Variants in SRRT observed in about 807,000 individuals in gnomAD.
SRRT encodes the protein serrate RNA effector molecule homolog.
A neutral mutation model predicts 103.2 loss-of-function variants in SRRT; 32 were observed. The ratio of observed to expected loss-of-function variants is 0.31; its 90% CI spans 0.23 to 0.42. SRRT has a LOEUF of 0.42. Ranked by LOEUF, SRRT falls within the 10% of genes least tolerant of loss-of-function variation. The pLI, the probability that SRRT is intolerant of heterozygous loss-of-function variation, is 1.00. For synonymous variants in SRRT, 525 were observed against 449.0 expected, an observed-to-expected ratio of 1.17 and a Z score of -2.14; for missense variants, 986 against 1,207.5, an observed-to-expected ratio of 0.82 and a Z score of 2.72.
rs766636517 is a variant in SRRT at position 100,885,271 on chromosome 7, C to T, written c.1218C>T (p.Asp406=). The T allele has an allele frequency of 1.3e-5, 21 of 1,614,032 alleles. No homozygotes were observed. The highest frequency in any genetic ancestry group is 8.3e-5 in the Admixed American group (5 of 60,004). ...PKEEEWEKPK[D]AAGLECKPRP... is the part of the protein sequence containing the mutation. ...AAGAAGAATGGGAGAAGCCCAAGGA[C>T]GCCGCGGGGCTGGAGTGCAAGCCGC... The change falls in exon 10 of 20, where the codon GAC becomes GAT. Residue 406 remains aspartate (D), a synonymous_variant. Coordinates refer to ENST00000611405, the MANE Select transcript of SRRT (RefSeq NM_015908.6). This position sits in a 1 kb window ranked among gnomAD's most constrained non-coding sequence, Gnocchi z 4.8.
Position 100,887,023 on chromosome 7 carries a change from A to G in SRRT, c.1822-24A>G, listed in dbSNP as rs1451387765. The G allele has an allele frequency of 6.2e-7, 1 of 1,613,086 alleles. No homozygotes were observed. The highest frequency in any genetic ancestry group is 8.5e-7 in the Non-Finnish European group (1 of 1,179,138). On this transcript the variant is annotated intron_variant, in intron 14 of 19. Transcript: ENST00000611405. This position sits in a 1 kb window ranked among gnomAD's most constrained non-coding sequence, Gnocchi z 4.1. Reference sequence around the variant, plus strand: ...GCTCGGGCGGTGAGGGCAGGAGCTGAACGCTCGCATTCACTTCCCTTAGGT... The same window carrying G: ...GCTCGGGCGGTGAGGGCAGGAGCTGGACGCTCGCATTCACTTCCCTTAGGT...
intron 3 of SRRT, 112 bp downstream of exon 3, chr7:100,881,525 A>G (rs1789557249): frequency 7.0e-6 from 11 of 1,562,048 alleles, no homozygotes; most frequent in Non-Finnish European, 9.5e-6. Context: ...TCAACTTCCC[A>G]TCACCCATCG....
rs1790209086 is a variant in SRRT at position 100,887,140 on chromosome 7, C to T, written c.1915C>T (p.Arg639Cys). The change falls in exon 15 of 20, where the codon CGC (arginine) becomes TGC (cysteine). Residue 639 changes from arginine (R) to cysteine (C), a missense_variant. Physicochemically the swap from Arg to Cys is radical, Grantham distance 180. Around this residue, in one of 6 missense-constraint regions of SRRT, gnomAD observed 349 missense variants for 446.9 expected, o/e 0.78. Transcript: ENST00000611405. This position sits in a 1 kb window ranked among gnomAD's most constrained non-coding sequence, Gnocchi z 4.1. ...CCCCAACGAGGACGAGATGCCCAAT[C>T]GCTGTGGGATCATCCACGTTCGGGG... is the stretch of plus-strand genomic sequence containing the variant. The part of the protein sequence containing the change: ...EYPNEDEMPN[R>C]CGIIHVRGPM... 5 of 1,614,110 alleles carry T rather than the reference C, an allele frequency of 3.1e-6. No individual in the cohort carries two copies. The highest frequency in any genetic ancestry group is 1.1e-5 in the South Asian group (1 of 91,090).
Position 100,882,095 on chromosome 7 carries a change from C to T in SRRT, c.441C>T (p.Pro147=), listed in dbSNP as rs566339699. ...IAEIDLGVPP[P]VMKTFKEFLL... ...AGATTGACCTGGGTGTGCCGCCGCCCGTGATGAAGACCTTCAAGGAGTTTC... is the reference window on the plus strand; with the variant it reads ...AGATTGACCTGGGTGTGCCGCCGCCTGTGATGAAGACCTTCAAGGAGTTTC... Residue 147 remains proline, a synonymous_variant, in exon 5 of 20, where the codon CCC becomes CCT. Coordinates refer to ENST00000611405, the MANE Select transcript of SRRT (RefSeq NM_015908.6). The surrounding 1 kb of genome is among the most constrained non-coding windows in gnomAD (Gnocchi z 4.2). The T allele has an allele frequency of 3.8e-5, 61 of 1,614,010 alleles. No individual in the cohort carries two copies. The highest frequency in any genetic ancestry group is 1.6e-4 in the South Asian group (15 of 91,066).
intron 17 of SRRT, 34 bp from the exon 18 acceptor site, chr7:100,888,008 G>GC: frequency 7.1e-7 from 1 of 1,411,320 alleles, no homozygotes; most frequent in African/African-American, 1.8e-5. Flanking sequence ...CCCCCTCCCC[G>GC]CCCCCGCAGT....
intron 2 of SRRT, among the ~76,000 whole-genome samples, chr7:100,876,186 C>T (rs1462020619): frequency 1.3e-5 from 2 of 152,194 alleles, no homozygotes; most frequent in Non-Finnish European, 2.9e-5. Flanking sequence ...GAGTCTTGCC[C>T]TGTCGCCCAG....
rs1790260812 is a variant in SRRT at position 100,887,573 on chromosome 7, G to GC, written c.2169+65dup. The GC allele has an allele frequency of 5.4e-5, 86 of 1,590,950 alleles. 1 individual carries two copies. In the South Asian group the frequency reaches 9.3e-4, roughly 17 times the overall value. Reference sequence around the variant, plus strand: ...GTGGGAGGTGGGGTTGAGACAGGAAGCCCCCTGGGCAGGGGTGGGGGAACT... The same window carrying GC: ...GTGGGAGGTGGGGTTGAGACAGGAAGCCCCCCTGGGCAGGGGTGGGGGAACT... On this transcript the variant is annotated intron_variant, in intron 16 of 19. Coordinates refer to ENST00000611405, the MANE Select transcript of SRRT (RefSeq NM_015908.6). This position sits in a 1 kb window ranked among gnomAD's most constrained non-coding sequence, Gnocchi z 4.1.
rs1790311167 is a variant in SRRT, at chr7:100,887,964, A to C, written c.2327-78A>C. On this transcript the variant is annotated intron_variant, in intron 17 of 19. Transcript: ENST00000611405. The surrounding 1 kb of genome is among the most constrained non-coding windows in gnomAD (Gnocchi z 4.1). Reference sequence around the variant, plus strand: ...CCCGAGAAGTTTCTGCCCCATCCTCAGGCCATAGCCCTAGAAGTCAATTGT... The same window carrying C: ...CCCGAGAAGTTTCTGCCCCATCCTCCGGCCATAGCCCTAGAAGTCAATTGT... The C allele has an allele frequency of 6.5e-6, 10 of 1,531,042 alleles. No individual in the cohort carries two copies. Among genetic ancestry groups the C allele is most frequent in the Admixed American group, 2.1e-5 (1 of 48,264 alleles). The allele number at this position is 1,531,042 out of a possible 1,614,324, so 94.8% of individuals were successfully genotyped here.
rs1789953089 is a variant in SRRT, at chr7:100,885,037, G to A, written c.1156G>A (p.Ala386Thr). The A allele has an allele frequency of 1.2e-6, 2 of 1,613,876 alleles. No individual in the cohort carries two copies. The highest frequency in any genetic ancestry group is 4.5e-5 in the East Asian group (2 of 44,882). ...CCAGGCTGAGGAGGAGAAGGAGGAGGCCGGTAGGGTTTCTTTTCTGCTTTA... is the reference window on the plus strand; with the variant it reads ...CCAGGCTGAGGAGGAGAAGGAGGAGACCGGTAGGGTTTCTTTTCTGCTTTA... ...SGQAEEEKEE[A>T]EEALKEKEKP... The change falls in exon 9 of 20, where the codon GCC becomes ACC. Residue 386 changes from alanine to threonine, a missense_variant. By Grantham distance (58) the Ala-to-Thr change is moderately conservative. This residue lies in a region of SRRT where 166 missense variants were observed against 148.6 expected (regional missense o/e 1.12). Coordinates refer to ENST00000611405, the MANE Select transcript of SRRT (RefSeq NM_015908.6). This position sits in a 1 kb window ranked among gnomAD's most constrained non-coding sequence, Gnocchi z 4.8.
intron 12 of SRRT, 135 bp from the exon 13 acceptor site, chr7:100,886,112 C>G: frequency 1.6e-6 from 2 of 1,227,888 alleles, no homozygotes; most frequent in South Asian, 2.8e-5. Flanking sequence ...ATGGACGGAA[C>G]CTATGTGGTC....
rs201575972 is a variant in SRRT at position 100,888,050 on chromosome 7, C to T, written c.2335C>T (p.Pro779Ser). Residue 779 changes from proline (P) to serine (S), a missense_variant, in exon 18 of 20, where the codon CCA becomes TCA. Physicochemically the swap from Pro to Ser is moderately conservative, Grantham distance 74. Around this residue, in one of 6 missense-constraint regions of SRRT, gnomAD observed 178 missense variants for 189.6 expected, o/e 0.94. Transcript: ENST00000611405. ...TGTCCCTGTCCGTGTTGTACTCCCC[C>T]CAGGTTTGACCCCAGGACTCCCCTA... The part of the protein sequence containing the change: ...QPPGPAQILP[P>S]GLTPGLPYPH... 6.4e-7 allele frequency: 1 copy of T among 1,557,356 alleles called. No individual in the cohort carries two copies. Among genetic ancestry groups the T allele is most frequent in the East Asian group, 2.2e-5 (1 of 44,590 alleles).
At position 100,884,066 on chromosome 7, in the gene SRRT, C is replaced by T. The variant is rs1486624174; in HGVS notation, c.588-4C>T. The stretch of plus-strand genomic sequence containing the variant: ...TGTCTTTCCCTCCCCCGCTTCGTTC[C>T]CAGGTTTCGGTCTAAGTACCACCCA... On this transcript the variant is annotated splice_polypyrimidine_tract_variant and splice_region_variant and intron_variant, in intron 5 of 19. Transcript: ENST00000611405. 6.4e-7 allele frequency: 1 copy of T among 1,571,556 alleles called. No individual in the cohort carries two copies. The highest frequency in any genetic ancestry group is 8.6e-7 in the Non-Finnish European group (1 of 1,163,748).
In SRRT at chr7:100,886,820, T is replaced by C; in HGVS notation, c.1673T>C (p.Leu558Ser). The C allele has an allele frequency of 6.2e-7, 1 of 1,614,140 alleles. No homozygotes were observed. Among genetic ancestry groups the C allele is most frequent in the Non-Finnish European group, 8.5e-7 (1 of 1,180,016 alleles). ...AGCCTGCCCTCGCAAAACCCGATCT[T>C]GAAGAATATCACCGACTACCTGATC... is the stretch of plus-strand genomic sequence containing the variant. ...PTSLPSQNPI[L>S]KNITDYLIEE... Residue 558 changes from leucine to serine, a missense_variant, in exon 14 of 20, where the codon TTG (leucine) becomes TCG (serine). Transcript: ENST00000611405.
chr7:100,879,963 C>CTCA (rs1359709255), intron 2 of SRRT, among the ~76,000 whole-genome samples: 3 of 152,200 alleles, frequency 2.0e-5, no homozygotes, highest in Admixed American at 6.5e-5. Flanking sequence ...TGCTTACTGA[C>CTCA]ATTGAAGTAA....
Position 100,884,351 on chromosome 7 carries a change from G to T in SRRT, c.758-17G>T. On this transcript the variant is annotated splice_polypyrimidine_tract_variant and intron_variant, in intron 6 of 19. Transcript: ENST00000611405. Reference sequence around the variant, plus strand: ...CCAGGGCCCTGGGGTCATGACCTCTGTTCCCTTTGTTGGTAGCCGTGATTA... The same window carrying T: ...CCAGGGCCCTGGGGTCATGACCTCTTTTCCCTTTGTTGGTAGCCGTGATTA... 1 of 1,613,286 alleles carries T rather than the reference G, an allele frequency of 6.2e-7. No individual in the cohort carries two copies. Among genetic ancestry groups the T allele is most frequent in the East Asian group, 2.2e-5 (1 of 44,820 alleles).
At chr7:100,879,186 C>T (rs754159609) in intron 2 of SRRT, among the ~76,000 whole-genome samples, 14 of 152,126 alleles carry the variant, frequency 9.2e-5, no homozygotes, top group Non-Finnish European at 1.8e-4. Context: ...AAACTTCTGA[C>T]CTCAAGTGAT....
chr7:100,888,299 A>AC lies in SRRT; in HGVS notation c.2476dup (p.His826ProfsTer12), dbSNP rs1563027703. ...GCAGTCCCCACAGGAGGCCCTCCAT[A>AC]CCCCCATGCCCCGTATGGTGCTGGT... On this transcript the variant is annotated frameshift_variant, in exon 19 of 20. Transcript: ENST00000611405. LOFTEE classifies it high-confidence loss of function. The AC allele has an allele frequency of 6.2e-7, 1 of 1,613,340 alleles. No homozygotes were observed. Among genetic ancestry groups the AC allele is most frequent in the Non-Finnish European group, 8.5e-7 (1 of 1,179,588 alleles).
rs1234024949 is a variant in SRRT, at chr7:100,885,732, T to C, written c.1349T>C (p.Val450Ala). 6.2e-7 allele frequency: 1 copy of C among 1,613,770 alleles called. No homozygotes were observed. Among genetic ancestry groups the C allele is most frequent in the Non-Finnish European group, 8.5e-7 (1 of 1,179,842 alleles). The change falls in exon 11 of 20, where the codon GTG (valine) becomes GCG (alanine). Residue 450 changes from valine (V) to alanine (A), a missense_variant. Transcript: ENST00000611405. This position sits in a 1 kb window ranked among gnomAD's most constrained non-coding sequence, Gnocchi z 4.8. The stretch of plus-strand genomic sequence containing the variant: ...AAAAGGTACCCAGGCTTTATGCGGG[T>C]GGCGCTCTCAGAGCCCCAGCCAGAG... ...LCKRYPGFMRVALSEPQPERR... is the reference protein window; with the variant it reads ...LCKRYPGFMRAALSEPQPERR...
chr7:100,888,553 G>A lies in SRRT; in HGVS notation c.*4G>A, dbSNP rs1252265329. 1.4e-5 allele frequency: 23 copies of A among 1,614,014 alleles called. No homozygotes were observed. Among genetic ancestry groups the A allele is most frequent in the Non-Finnish European group, 1.9e-5 (23 of 1,180,002 alleles). On this transcript the variant is annotated 3_prime_UTR_variant, in exon 20 of 20. Transcript: ENST00000611405. The stretch of plus-strand genomic sequence containing the variant: ...AGACGATGTTGATTTCTTTTGAGCC[G>A]TCCCCCGTTCCTCAGTCCTGTATCA...
Sources: gnomAD v4.1 joint callset for allele counts (sites outside exome capture counted in the v4.1 genomes callset) on GRCh38, gnomAD v4.1.1 for gene constraint, gnomAD v4.1.1 regional missense constraint, Gnocchi (gnomAD v3.1) non-coding constraint, MANE v1.5 for transcripts, NCBI Gene and HGNC (gene_info 2026-07-23, HGNC 2026-07-21) for gene names.